Variants in ANKRD17 observed in about 807,000 individuals in gnomAD.
ANKRD17 encodes ankyrin repeat domain-containing protein 17.
A neutral mutation model predicts 229.7 loss-of-function variants in ANKRD17; 19 were observed. The observed-to-expected ratio is 0.08, with a 90% confidence interval of 0.06 to 0.12. ANKRD17 has a LOEUF of 0.12. Ranked by LOEUF, ANKRD17 falls within the 10% of genes least tolerant of loss-of-function variation. The pLI is 1.00. For missense variants in ANKRD17, 2,176 were observed against 3,176.8 expected (o/e 0.68, Z 7.57); for synonymous variants, 1,112 against 1,146.1 (o/e 0.97, Z 0.60).
intron 18 of ANKRD17, among the ~76,000 whole-genome samples, 189 bp downstream of exon 18, chr4:73,124,722 ATG>A (rs1727212599): frequency 6.6e-6 from 1 of 152,202 alleles, no homozygotes; most frequent in African/African-American, 2.4e-5. Context: ...ATTCTAAACA[ATG>A]TGTGATTTTT....
At chr4:73,235,112 T>C (rs1313988052) in intron 1 of ANKRD17, among the ~76,000 whole-genome samples, 1 of 152,182 alleles carries the variant, frequency 6.6e-6, no homozygotes, top group Non-Finnish European at 1.5e-5. Context: ...AATTTTACTG[T>C]TCAACATGTT....
At chr4:73,145,198 C>T (rs1578183207) in intron 10 of ANKRD17, among the ~76,000 whole-genome samples, 2 of 152,274 alleles carry the variant, frequency 1.3e-5, no homozygotes, top group South Asian at 2.1e-4. Context: ...GCATGGCCTT[C>T]TCCGAACAAT....
At chr4:73,179,514 A>AT (rs1474647808) in intron 1 of ANKRD17, among the ~76,000 whole-genome samples, 8 of 65,142 alleles carry the variant, frequency 1.2e-4, no homozygotes, top group Admixed American at 2.2e-4. Flanking sequence ...ATATATATAT[A>AT]TATATTTTTT....
chr4:73,077,160 T>A, intron 32 of ANKRD17, 56 bp from the exon 33 acceptor site: 1 of 1,486,842 alleles, frequency 6.7e-7, no homozygotes, highest in Non-Finnish European at 9.0e-7. Context: ...TTTTTCCCAA[T>A]ATAATCAATA....
intron 1 of ANKRD17, among the ~76,000 whole-genome samples, chr4:73,191,341 A>ATATATGTG (rs1553933228): frequency 1.6e-5 from 2 of 125,244 alleles, no homozygotes; most frequent in Non-Finnish European, 1.6e-5. Flanking sequence ...AAAAATATAT[A>ATATATGTG]TGTGTGTGTG....
At chr4:73,244,536 A>ACAGTATTGGACAG (rs1297321078) in intron 1 of ANKRD17, among the ~76,000 whole-genome samples, 2 of 152,180 alleles carry the variant, frequency 1.3e-5, no homozygotes, top group African/African-American at 4.8e-5. Context: ...GCTAGTGGCT[A>ACAGTATTGGACAG]CAGTATTGGA....
At chr4:73,250,599 A>AAAAAAAAAAAAAC (rs1220816857) in intron 1 of ANKRD17, among the ~76,000 whole-genome samples, 3 of 145,922 alleles carry the variant, frequency 2.1e-5, no homozygotes, top group Non-Finnish European at 3.0e-5. Context: ...CAAAAAAAAA[A>AAAAAAAAAAAAAC]AAAAAAAAAA....
chr4:73,115,934 A>G lies in ANKRD17; in HGVS notation c.4189-18T>C, dbSNP rs1399071852. 3 of 1,604,866 alleles carry G rather than the reference A, an allele frequency of 1.9e-6. No individual in the cohort carries two copies. The highest frequency in any genetic ancestry group is 2.6e-6 in the Non-Finnish European group (3 of 1,172,426). ...ACATGACCCTAAAAAATAGATATCA[A>G]TGTCAGATTGAAAACAGACTCTAAC... On this transcript the variant is annotated intron_variant, in intron 22 of 33. Transcript: ENST00000358602.
intron 1 of ANKRD17, among the ~76,000 whole-genome samples, chr4:73,200,987 C>CT (rs71655742): frequency 5.1e-5 from 2 of 39,388 alleles, no homozygotes; most frequent in Non-Finnish European, 8.8e-5. Context: ...ACAGTATGGG[C>CT]GGGGGGGGGG....
In ANKRD17 at chr4:73,076,173, G is replaced by C. The variant is rs1478387753; in HGVS notation, c.*58C>G. Reference sequence around the variant, plus strand: ...TTTGGGAGCATAATTTTTTTTTTCGGCCACTTGTGATTTCCTCCAAATGAA... The same window carrying C: ...TTTGGGAGCATAATTTTTTTTTTCGCCCACTTGTGATTTCCTCCAAATGAA... On this transcript the variant is annotated 3_prime_UTR_variant, in exon 34 of 34. Transcript: ENST00000358602. 3.3e-6 allele frequency: 5 copies of C among 1,512,228 alleles called. No homozygotes were observed. The African/African-American group carries it at 7.1e-5, about 21-fold the overall frequency. The allele number at this position is 1,512,228 out of a possible 1,614,324, so 93.7% of individuals were successfully genotyped here. A position where few individuals can be genotyped will look rare whatever the true frequency, so the allele number is the denominator to read the frequency against.
chr4:73,098,012 T>C, intron 26 of ANKRD17, 61 bp downstream of exon 26: 1 of 1,453,940 alleles, frequency 6.9e-7, no homozygotes, highest in South Asian at 1.4e-5. Context: ...TACCAACAAA[T>C]TCAGTAATAA....
At chr4:73,242,074 G>A (rs1264346981) in intron 1 of ANKRD17, among the ~76,000 whole-genome samples, 1 of 152,110 alleles carries the variant, frequency 6.6e-6, no homozygotes, top group Non-Finnish European at 1.5e-5. Flanking sequence ...TTAAAAATAA[G>A]AGAAAGACAA....
intron 33 of ANKRD17, 108 bp from the exon 34 acceptor site, chr4:73,076,398 G>A (rs1414174018): frequency 4.4e-6 from 3 of 685,250 alleles, no homozygotes; most frequent in Non-Finnish European, 6.4e-6. Flanking sequence ...CAATATACTA[G>A]GAACTAATGG....
At chr4:73,094,737 T>TA (rs71215483) in intron 27 of ANKRD17, among the ~76,000 whole-genome samples, 1 of 150,188 alleles carries the variant, frequency 6.7e-6, no homozygotes, top group African/African-American at 2.4e-5. Context: ...TATATATATA[T>TA]TATATGTGTG....
intron 1 of ANKRD17, among the ~76,000 whole-genome samples, chr4:73,179,518 A>ATATATTTTT (rs1192164276): frequency 6.9e-4 from 28 of 40,774 alleles, no homozygotes; most frequent in Non-Finnish European, 1.1e-3. Flanking sequence ...ATATATATAT[A>ATATATTTTT]TTTTTTTTTT....
At chr4:73,100,384 G>T (rs1027338918) in intron 25 of ANKRD17, among the ~76,000 whole-genome samples, 10 of 151,554 alleles carry the variant, frequency 6.6e-5, no homozygotes, top group Non-Finnish European at 1.3e-4. Flanking sequence ...CCCCTGTTCT[G>T]TTGGGGAGGG....
chr4:73,235,830 G>GA (rs1743450776), intron 1 of ANKRD17, among the ~76,000 whole-genome samples: 1 of 151,778 alleles, frequency 6.6e-6, no homozygotes, highest in Non-Finnish European at 1.5e-5. Flanking sequence ...GAAAAAGAAG[G>GA]AAGAAGGGAA....
chr4:73,195,786 C>CTCTT (rs1420665393), intron 1 of ANKRD17, among the ~76,000 whole-genome samples: 4 of 152,114 alleles, frequency 2.6e-5, no homozygotes, highest in Admixed American at 2.6e-4. Context: ...GGATTACAGG[C>CTCTT]ATGAGCCACC....
intron 2 of ANKRD17, among the ~76,000 whole-genome samples, chr4:73,171,199 G>GAGAA (rs1733975266): frequency 6.6e-6 from 1 of 151,384 alleles, no homozygotes; most frequent in Admixed American, 6.6e-5. Flanking sequence ...GAGAGAGAGA[G>GAGAA]AGAGAGAGAG....
Sources: allele counts gnomAD v4.1 joint callset (sites outside exome capture counted in the v4.1 genomes callset), GRCh38; gene constraint gnomAD v4.1.1; transcripts MANE v1.5; gene names NCBI Gene and HGNC (gene_info 2026-07-23, HGNC 2026-07-21).